The following SCHIP1 variants were observed in gnomAD, a reference collection of about 807,000 sequenced individuals.
The protein encoded by SCHIP1 is schwannomin-interacting protein 1.
SCHIP1 carries 8 observed loss-of-function variants against 29.7 expected under a neutral mutation model. The observed-to-expected ratio is 0.27, with a 90% confidence interval of 0.16 to 0.49. The LOEUF is 0.49. Among genes scored for constraint, SCHIP1 ranks in the 20% least tolerant of loss-of-function variants. The pLI is 0.99. For missense variants in SCHIP1, 193 were observed against 294.6 expected, an observed-to-expected ratio of 0.66 and a Z score of 2.52; for synonymous variants, 76 against 94.9, an observed-to-expected ratio of 0.80 and a Z score of 1.16.
At chr3:159,304,139 T>C in the SCHIP1 span, among the ~76,000 whole-genome samples, 1 of 152,152 alleles carries the variant, frequency 6.6e-6, no homozygotes, top group African/African-American at 2.4e-5. Context: ...TGCGATAGTT[T>C]ACTGAGAATG....
At chr3:159,717,908 C>A in the SCHIP1 span, among the ~76,000 whole-genome samples, 1 of 152,126 alleles carries the variant, frequency 6.6e-6, no homozygotes, top group Non-Finnish European at 1.5e-5. Flanking sequence ...GATACCAAAG[C>A]CTGGCAGAGA....
At chr3:159,556,427 C>A in the SCHIP1 span, among the ~76,000 whole-genome samples, 1 of 152,016 alleles carries the variant, frequency 6.6e-6, no homozygotes, top group East Asian at 1.9e-4. Context: ...GGTATATACC[C>A]AAAGGATTAT....
the SCHIP1 span, among the ~76,000 whole-genome samples, chr3:159,642,127 C>G: frequency 1.9e-4 from 29 of 151,842 alleles, no homozygotes; most frequent in Admixed American, 1.1e-3. Context: ...GACAAAGCAC[C>G]GCAAAAATTA....
the SCHIP1 span, among the ~76,000 whole-genome samples, chr3:159,569,629 A>T: frequency 1.3e-5 from 2 of 152,202 alleles, no homozygotes; most frequent in Non-Finnish European, 2.9e-5. Flanking sequence ...CAATAAACAT[A>T]CAGGTGCATG....
chr3:159,642,002 T>C, the SCHIP1 span, among the ~76,000 whole-genome samples: 1 of 152,148 alleles, frequency 6.6e-6, no homozygotes, highest in Non-Finnish European at 1.5e-5. Flanking sequence ...AGGGAAAATG[T>C]GGAGGAGATT....
the SCHIP1 span, among the ~76,000 whole-genome samples, chr3:159,777,814 T>C: frequency 6.6e-6 from 1 of 151,936 alleles, no homozygotes; most frequent in African/African-American, 2.4e-5. Context: ...ATTGAGACTT[T>C]ATTTAATTTT....
At chr3:159,769,892 A>G in the SCHIP1 span, among the ~76,000 whole-genome samples, 1 of 152,284 alleles carries the variant, frequency 6.6e-6, no homozygotes, top group South Asian at 2.1e-4. Flanking sequence ...CTGTGAAACC[A>G]TCATGAACAT....
At chr3:159,894,947 T>C (rs1717910224) in intron 6 of SCHIP1, among the ~76,000 whole-genome samples, 3 of 152,174 alleles carry the variant, frequency 2.0e-5, no homozygotes, top group African/African-American at 4.8e-5. Flanking sequence ...AGAAAACCTT[T>C]TGATGTATGT....
chr3:159,692,010 T>A, the SCHIP1 span, among the ~76,000 whole-genome samples: 5 of 142,232 alleles, frequency 3.5e-5, no homozygotes, highest in African/African-American at 1.1e-4. Context: ...TAACCCGACC[T>A]TTCTTTTTTT....
the SCHIP1 span, among the ~76,000 whole-genome samples, chr3:159,491,845 C>T: frequency 6.6e-6 from 1 of 152,206 alleles, no homozygotes; most frequent in Non-Finnish European, 1.5e-5. Flanking sequence ...CTGGGAGGCA[C>T]CCCCAAGTAG....
At chr3:159,484,261 T>C in the SCHIP1 span, among the ~76,000 whole-genome samples, 11 of 152,204 alleles carry the variant, frequency 7.2e-5, no homozygotes, top group African/African-American at 2.7e-4. Flanking sequence ...AATGAAAACG[T>C]TACGATTTTA....
chr3:159,333,694 G>A, the SCHIP1 span, among the ~76,000 whole-genome samples: 1 of 152,184 alleles, frequency 6.6e-6, no homozygotes, highest in Non-Finnish European at 1.5e-5. Flanking sequence ...GTATTTGCTT[G>A]AAGTTATCCT....
At chr3:159,753,820 G>A in the SCHIP1 span, among the ~76,000 whole-genome samples, 4 of 152,006 alleles carry the variant, frequency 2.6e-5, no homozygotes, top group African/African-American at 7.3e-5. Flanking sequence ...ATTCCTTCCC[G>A]TTACTCCAAT....
the SCHIP1 span, among the ~76,000 whole-genome samples, chr3:159,485,639 T>C: frequency 6.6e-6 from 1 of 152,044 alleles, no homozygotes; most frequent in African/African-American, 2.4e-5. Flanking sequence ...CAATGGAGGG[T>C]TTGAATTGTG....
the SCHIP1 span, among the ~76,000 whole-genome samples, chr3:159,483,215 G>A: frequency 6.2e-4 from 95 of 152,056 alleles, no homozygotes; most frequent in African/African-American, 2.2e-3. Context: ...TCTCCTTTGC[G>A]GTCAAAGATG....
chr3:159,522,077 A>G, the SCHIP1 span, among the ~76,000 whole-genome samples: 41,102 of 152,162 alleles, frequency 0.27, 5,863 homozygotes, highest in East Asian at 0.42. Flanking sequence ...TTAGACATAT[A>G]TCTGTGCATG....
chr3:159,425,983 T>C, the SCHIP1 span, among the ~76,000 whole-genome samples: 1 of 152,150 alleles, frequency 6.6e-6, no homozygotes, highest in African/African-American at 2.4e-5. Context: ...AAAGATGTTC[T>C]TTGAAACCAA....
chr3:159,721,912 A>G, the SCHIP1 span: 129 of 431,762 alleles, frequency 3.0e-4, 1 homozygote, highest in Middle Eastern at 1.4e-3. Context: ...TTCTTTGCTG[A>G]GGAAACACAA....
At chr3:159,626,300 A>ATAGATAGAT in the SCHIP1 span, among the ~76,000 whole-genome samples, 9 of 131,566 alleles carry the variant, frequency 6.8e-5, no homozygotes, top group East Asian at 5.0e-4. Flanking sequence ...AGATAGATAG[A>ATAGATAGAT]TTTTTTTTTA....
Sources: allele counts gnomAD v4.1 joint callset (sites outside exome capture counted in the v4.1 genomes callset), GRCh38; gene constraint gnomAD v4.1.1; transcripts MANE v1.5; gene names NCBI Gene and HGNC (gene_info 2026-07-23, HGNC 2026-07-21).